LAMB3: variants seen among roughly 807,000 people sequenced by gnomAD.
LAMB3 encodes the protein laminin subunit beta-3.
Under a neutral mutation model 140.3 loss-of-function variants are expected in LAMB3, and 104 were observed. The observed-to-expected ratio is 0.74, with a 90% CI of 0.63 to 0.87. LAMB3 has a LOEUF of 0.87. Ranked by LOEUF, LAMB3 falls within the 40% of genes least tolerant of loss-of-function variation. The probability of loss-of-function intolerance (pLI) is 0.00; values close to 1 mark genes in which losing one functional copy is unlikely to be tolerated. For missense variants in LAMB3, 1,531 were observed against 1,575.2 expected (o/e 0.97, Z 0.47); for synonymous variants, 592 against 602.9 (o/e 0.98, Z 0.26).
chr1:209,623,654 G>A lies in LAMB3; in HGVS notation c.2209C>T (p.Arg737Cys), dbSNP rs778247685. 2.2e-5 allele frequency: 35 copies of A among 1,614,076 alleles called. No homozygotes were observed. Among genetic ancestry groups the A allele is most frequent in the South Asian group, 3.3e-5 (3 of 91,090 alleles). Residue 737 changes from arginine to cysteine, a missense_variant, in exon 16 of 23, where the codon CGC (arginine) becomes TGC (cysteine). Physicochemically the swap from Arg to Cys is radical, Grantham distance 180. Transcript: ENST00000356082. The surrounding 1 kb of genome is among the most constrained non-coding windows in gnomAD (Gnocchi z 4.2). The stretch of plus-strand genomic sequence containing the variant: ...CTGTCCCTGAGCTGGTCCAAAAGGC[G>A]CGAGCTGTCGGAGACCTGCTGAGCA... Reference protein sequence around the residue: ...QAAQQVSDSSRLLDQLRDSRR... With the variant: ...QAAQQVSDSSCLLDQLRDSRR...
chr1:209,635,438 C>T (rs943108066), intron 5 of LAMB3, among the ~76,000 whole-genome samples: 2 of 152,086 alleles, frequency 1.3e-5, no homozygotes, highest in Non-Finnish European at 2.9e-5. Flanking sequence ...AGCCTCACTC[C>T]GTCACTCAGG....
chr1:209,634,897 G>A (rs546974159), intron 5 of LAMB3, among the ~76,000 whole-genome samples: 2 of 149,842 alleles, frequency 1.3e-5, no homozygotes, highest in Admixed American at 1.3e-4. Flanking sequence ...CCTACACTTC[G>A]CACAGTTGAC....
chr1:209,622,711 T>C (rs1420394311), intron 17 of LAMB3, 31 bp from the exon 18 acceptor site: 1 of 1,613,662 alleles, frequency 6.2e-7, no homozygotes, highest in Non-Finnish European at 8.5e-7. Context: ...TCAGAAGGGG[T>C]AAGGCCCCAA....
At position 209,622,597 on chromosome 1, in the gene LAMB3, C is replaced by G. The variant is rs200322380; in HGVS notation, c.2640G>C (p.Gln880His). 144 of 1,614,022 alleles carry G rather than the reference C, an allele frequency of 8.9e-5. No individual in the cohort carries two copies. The highest frequency in any genetic ancestry group is 1.1e-4 in the Non-Finnish European group (133 of 1,180,012). The change falls in exon 18 of 23, where the codon CAG becomes CAC. Residue 880 changes from glutamine (Q) to histidine (H), a missense_variant. By Grantham distance (24) the Gln-to-His change is conservative. Coordinates refer to ENST00000356082, the MANE Select transcript of LAMB3 (RefSeq NM_000228.3). The stretch of plus-strand genomic sequence containing the variant: ...GTGTGCGTCTGACATCTTCCTCCAT[C>G]TGGGAGCGGCTGGCGCTCACCTGGG... ...LETQVSASRS[Q>H]MEEDVRRTRL...
intron 14 of LAMB3, among the ~76,000 whole-genome samples, chr1:209,624,938 A>AAGGAAG (rs1558152764): frequency 1.8e-5 from 2 of 110,376 alleles, no homozygotes; most frequent in Admixed American, 8.9e-5. Flanking sequence ...AAGGAAGGAA[A>AAGGAAG]AAAAGGGAAG....
intron 3 of LAMB3, among the ~76,000 whole-genome samples, chr1:209,644,512 G>T (rs1379239148): frequency 2.0e-5 from 3 of 152,072 alleles, no homozygotes; most frequent in African/African-American, 7.2e-5. Flanking sequence ...GATAAGTTAA[G>T]AAATGTGTCC....
rs114886812 is a variant in LAMB3 at position 209,632,671 on chromosome 1, C to T, written c.734G>A (p.Arg245His). ...GTGACAGAAGCAGCTCCCCTGCAGA[C>T]GGAGCTGGGACACAGCATAGTAGGC... ...PSAYYAVSQL[R>H]LQGSCFCHGH... Residue 245 changes from arginine to histidine, a missense_variant, in exon 8 of 23, where the codon CGT (arginine) becomes CAT (histidine). Transcript: ENST00000356082. 1.9e-4 allele frequency: 300 copies of T among 1,614,064 alleles called. No homozygotes were observed. In the East Asian group the frequency reaches 4.0e-3, roughly 22 times the overall value.
In LAMB3 at chr1:209,622,727, C is replaced by A. The variant is rs372863655; in HGVS notation, c.2557-47G>T. The A allele has an allele frequency of 8.1e-6, 13 of 1,611,734 alleles. 1 individual carries two copies. The highest frequency in any genetic ancestry group is 6.6e-5 in the South Asian group (6 of 91,042). Reference sequence around the variant, plus strand: ...CAGAAGGGGTAAGGCCCCAAGGGAACCTCTCAGCAGCCCCACGATTCTGCG... The same window carrying A: ...CAGAAGGGGTAAGGCCCCAAGGGAAACTCTCAGCAGCCCCACGATTCTGCG... On this transcript the variant is annotated intron_variant, in intron 17 of 22. Transcript: ENST00000356082.
chr1:209,632,063 C>A (rs1464148017), intron 8 of LAMB3, among the ~76,000 whole-genome samples: 2 of 152,224 alleles, frequency 1.3e-5, no homozygotes, highest in Admixed American at 1.3e-4. Flanking sequence ...CAAACCCCAT[C>A]CCTGCTGAAG....
At chr1:209,630,549 T>A in intron 9 of LAMB3, 66 bp downstream of exon 9, 1 of 1,583,840 alleles carries the variant, frequency 6.3e-7, no homozygotes, top group Non-Finnish European at 8.7e-7. Context: ...GGTGAGATCA[T>A]CAAGGCCTAG....
At chr1:209,646,142 G>C (rs2076515890) in intron 3 of LAMB3, among the ~76,000 whole-genome samples, 1 of 152,214 alleles carries the variant, frequency 6.6e-6, no homozygotes, top group African/African-American at 2.4e-5. Flanking sequence ...GCATTTAGGG[G>C]AGCAGACACA....
intron 8 of LAMB3, 35 bp downstream of exon 8, chr1:209,632,548 C>A: frequency 1.3e-6 from 2 of 1,581,592 alleles, no homozygotes; most frequent in African/African-American, 2.7e-5. Flanking sequence ...CTGGTCCTGC[C>A]CCCTTCCTCT....
chr1:209,646,587 C>A (rs951631802), intron 3 of LAMB3, among the ~76,000 whole-genome samples: 15 of 152,188 alleles, frequency 9.9e-5, no homozygotes, highest in African/African-American at 3.6e-4. Context: ...CACCGATCAC[C>A]TTGGGAGGCA....
chr1:209,622,546 G>C lies in LAMB3; in HGVS notation c.2691C>G (p.Asp897Glu). 1.2e-6 allele frequency: 2 copies of C among 1,613,918 alleles called. No homozygotes were observed. The highest frequency in any genetic ancestry group is 1.7e-6 in the Non-Finnish European group (2 of 1,179,982). The change falls in exon 18 of 23, where the codon GAC becomes GAG. Residue 897 changes from aspartate to glutamate, a missense_variant. Asp to Glu is a conservative substitution (Grantham distance 45). Transcript: ENST00000356082. ...RTRLLIQQVRDFLTDPDTDAA... is the reference protein window; with the variant it reads ...RTRLLIQQVREFLTDPDTDAA... ...GGAGACTGGGCTCACCTGTTAGGAA[G>C]TCCCGGACCTGCTGGATTAGGAGCC...
intron 3 of LAMB3, among the ~76,000 whole-genome samples, chr1:209,646,647 G>T (rs1379354232): frequency 2.6e-5 from 4 of 152,236 alleles, no homozygotes; most frequent in Non-Finnish European, 4.4e-5. Context: ...GTACGCGAAC[G>T]CATGTCCTGA....
intron 21 of LAMB3, among the ~76,000 whole-genome samples, chr1:209,616,983 G>C (rs1665990088): frequency 1.3e-5 from 2 of 152,234 alleles, no homozygotes; most frequent in South Asian, 4.1e-4. Flanking sequence ...CAGGTAGTGT[G>C]CTTGAGACAC....
At chr1:209,632,218 G>A (rs1666717065) in intron 8 of LAMB3, among the ~76,000 whole-genome samples, 1 of 152,190 alleles carries the variant, frequency 6.6e-6, no homozygotes, top group Non-Finnish European at 1.5e-5. Flanking sequence ...TCACCTGGGA[G>A]CTTTAAAAGC....
In LAMB3 at chr1:209,632,593, G is replaced by T. The variant is rs115812503; in HGVS notation, c.812C>A (p.Thr271Asn). 4.9e-5 allele frequency: 79 copies of T among 1,613,926 alleles called. No homozygotes were observed. In the African/African-American group the frequency reaches 9.9e-4, roughly 20 times the overall value. The stretch of plus-strand genomic sequence containing the variant: ...ACCCTAGGCTGTTACCTGCACAGCG[G>T]TGGAGGGGCCTGCAGAGGCCCCAGG... Reference protein sequence around the residue: ...PKPGASAGPSTAVQVHDVCVC... With the variant: ...PKPGASAGPSNAVQVHDVCVC... The change falls in exon 8 of 23, where the codon ACC (threonine) becomes AAC (asparagine). Residue 271 changes from threonine (T) to asparagine (N), a missense_variant. Transcript: ENST00000356082.
At chr1:209,637,110 T>C (rs1666919911) in intron 5 of LAMB3, among the ~76,000 whole-genome samples, 1 of 152,220 alleles carries the variant, frequency 6.6e-6, no homozygotes, top group Non-Finnish European at 1.5e-5. Context: ...TTGCCACCTT[T>C]AGAGACTGGG....
Sources: allele counts gnomAD v4.1 joint callset (sites outside exome capture counted in the v4.1 genomes callset), GRCh38; gene constraint gnomAD v4.1.1; non-coding constraint Gnocchi (gnomAD v3.1); transcripts MANE v1.5; gene names NCBI Gene and HGNC (gene_info 2026-07-23, HGNC 2026-07-21).